The following KALRN variants were observed in gnomAD, a reference collection of about 807,000 sequenced individuals.
KALRN encodes kalirin RhoGEF kinase.
A neutral mutation model predicts 353.7 loss-of-function variants in KALRN; 70 were observed. The ratio of observed to expected loss-of-function variants is 0.20; its 90% CI spans 0.16 to 0.24. KALRN has a LOEUF of 0.24. Ranked by LOEUF, KALRN falls within the 10% of genes least tolerant of loss-of-function variation. The pLI is 1.00. For synonymous variants in KALRN, 1,391 were observed against 1,434.8 expected (o/e 0.97, Z 0.69); for missense variants, 2,791 against 3,756.7 (o/e 0.74, Z 6.72).
chr3:124,154,694 A>G (rs2068708235), intron 1 of KALRN, among the ~76,000 whole-genome samples: 1 of 152,212 alleles, frequency 6.6e-6, no homozygotes, highest in African/African-American at 2.4e-5. Context: ...GCCCAAGGTA[A>G]TTTATAGATT....
At chr3:124,201,351 T>C (rs1191141476) in intron 1 of KALRN, among the ~76,000 whole-genome samples, 1 of 152,246 alleles carries the variant, frequency 6.6e-6, no homozygotes, top group Non-Finnish European at 1.5e-5. Flanking sequence ...GTGGAGATGC[T>C]GCATGGTGCA....
intron 5 of KALRN, among the ~76,000 whole-genome samples, chr3:124,286,022 G>A (rs1411702258): frequency 6.7e-6 from 1 of 149,510 alleles, no homozygotes; most frequent in East Asian, 2.0e-4. Context: ...GCTGTGTCCT[G>A]TGCTTCTATT....
At chr3:124,504,766 A>T (rs2065024449) in intron 33 of KALRN, 1 of 442,676 alleles carries the variant, frequency 2.3e-6, no homozygotes, top group African/African-American at 2.0e-5. Flanking sequence ...GGCAAGGCAG[A>T]TCCCTGCTTC....
intron 33 of KALRN, among the ~76,000 whole-genome samples, chr3:124,516,819 T>G (rs1458014255): frequency 6.6e-6 from 1 of 152,022 alleles, no homozygotes; most frequent in Non-Finnish European, 1.5e-5. Flanking sequence ...TAATTATATT[T>G]TAGTTCTAGA....
At chr3:124,515,742 C>T (rs1220295763) in intron 33 of KALRN, among the ~76,000 whole-genome samples, 1 of 152,204 alleles carries the variant, frequency 6.6e-6, no homozygotes, top group Non-Finnish European at 1.5e-5. Flanking sequence ...CTTTTTCACA[C>T]TTCCACTTAA....
At chr3:124,538,849 C>T (rs140433651) in intron 33 of KALRN, among the ~76,000 whole-genome samples, 133 of 152,282 alleles carry the variant, frequency 8.7e-4, no homozygotes, top group African/African-American at 3.1e-3. Context: ...GAATGCTTTT[C>T]GATCTTTTTT....
chr3:124,491,038 C>T (rs567183272), intron 30 of KALRN, among the ~76,000 whole-genome samples, 154 bp downstream of exon 30: 1 of 152,126 alleles, frequency 6.6e-6, no homozygotes, highest in East Asian at 1.9e-4. Context: ...GAAAGCACCC[C>T]ACTCACCTCC....
intron 1 of KALRN, among the ~76,000 whole-genome samples, chr3:124,216,096 A>G (rs1008914071): frequency 7.2e-5 from 11 of 152,210 alleles, no homozygotes; most frequent in Non-Finnish European, 1.5e-4. Flanking sequence ...AGCTCTTAGT[A>G]GCTCCATAAT....
At chr3:124,717,420 C>G (rs749233006) in intron 59 of KALRN, 35 bp downstream of exon 59, 10 of 1,523,760 alleles carry the variant, frequency 6.6e-6, no homozygotes, top group South Asian at 3.8e-5. Context: ...GGCGCAGTGG[C>G]TCACGCCTGA....
chr3:124,519,713 G>A, intron 33 of KALRN: 1 of 985,420 alleles, frequency 1.0e-6, no homozygotes, highest in Non-Finnish European at 1.2e-6. Context: ...ACCTGGCTCA[G>A]GAAAGGACTG....
intron 33 of KALRN, among the ~76,000 whole-genome samples, chr3:124,510,712 G>A (rs991254204): frequency 2.6e-5 from 4 of 151,932 alleles, no homozygotes; most frequent in African/African-American, 4.8e-5. Context: ...TTCTCATATT[G>A]TCAAACACCT....
chr3:124,054,506 CTGA>C (rs1220891133), intron 1 of KALRN, among the ~76,000 whole-genome samples: 1 of 151,664 alleles, frequency 6.6e-6, no homozygotes, highest in East Asian at 1.9e-4. Context: ...AGTTCCAGTC[CTGA>C]CACTTCCCTG....
At chr3:124,061,391 A>G (rs2041983698) in intron 1 of KALRN, among the ~76,000 whole-genome samples, 1 of 152,142 alleles carries the variant, frequency 6.6e-6, no homozygotes, top group African/African-American at 2.4e-5. Context: ...ATCCCACAAC[A>G]TGTCAGTGAC....
chr3:124,636,559 G>A (rs1310958321), intron 36 of KALRN, among the ~76,000 whole-genome samples: 1 of 152,120 alleles, frequency 6.6e-6, no homozygotes, highest in African/African-American at 2.4e-5. Flanking sequence ...TAGTGTTCCA[G>A]TTCAGGGGCC....
At chr3:124,443,998 A>G (rs770020494) in intron 19 of KALRN, among the ~76,000 whole-genome samples, 4 of 152,192 alleles carry the variant, frequency 2.6e-5, no homozygotes, top group Non-Finnish European at 4.4e-5. Context: ...CCTACTACCT[A>G]GACTCAAAGC....
intron 25 of KALRN, among the ~76,000 whole-genome samples, chr3:124,470,726 C>T (rs546421769): frequency 1.1e-4 from 16 of 152,208 alleles, no homozygotes; most frequent in African/African-American, 3.4e-4. Context: ...CCCCAGAAGG[C>T]AATGTACAAC....
At chr3:124,105,018 A>C (rs930522486) in intron 1 of KALRN, among the ~76,000 whole-genome samples, 1 of 152,214 alleles carries the variant, frequency 6.6e-6, no homozygotes, top group Non-Finnish European at 1.5e-5. Flanking sequence ...ACTTCTGAGC[A>C]TAAGAGCCTG....
In KALRN at chr3:124,667,046, A is replaced by G. The variant is rs757843330; in HGVS notation, c.6566A>G (p.Asn2189Ser). 8.1e-6 allele frequency: 13 copies of G among 1,613,604 alleles called. No individual in the cohort carries two copies. The highest frequency in any genetic ancestry group is 2.2e-5 in the East Asian group (1 of 44,870). ...TTGGTCCTGGAGGAGAATGTGGACA[A>G]TGATCCCTGCAAGTTTGCACTCATG... ...NYLVLEENVD[N>S]DPCKFALMNR... The change falls in exon 47 of 60, where the codon AAT becomes AGT. Residue 2189 changes from asparagine (N) to serine (S), a missense_variant. By Grantham distance (46) the Asn-to-Ser change is conservative. This residue lies in a region of KALRN where 1,065 missense variants were observed against 1,156.4 expected (regional missense o/e 0.92). Transcript: ENST00000682506.
chr3:124,692,003 A>G (rs1390242560), intron 51 of KALRN, among the ~76,000 whole-genome samples: 2 of 152,210 alleles, frequency 1.3e-5, no homozygotes, highest in Non-Finnish European at 2.9e-5. Context: ...AAGTTGGTTT[A>G]TCCAAGATCA....
Sources: allele counts gnomAD v4.1 joint callset (sites outside exome capture counted in the v4.1 genomes callset), GRCh38; gene constraint gnomAD v4.1.1; regional missense constraint gnomAD v4.1.1; transcripts MANE v1.5; gene names NCBI Gene and HGNC (gene_info 2026-07-23, HGNC 2026-07-21).